Variants in PAPPA2 observed in about 807,000 individuals in gnomAD.
PAPPA2 encodes the protein pappalysin-2.
In PAPPA2, 86 loss-of-function variants were observed where a neutral mutation model predicts 176.4. That is an observed-to-expected ratio of 0.49 (90% CI 0.41 to 0.58). The LOEUF (loss-of-function observed/expected upper bound fraction) is 0.58, where lower values mean the gene tolerates loss of function less well. PAPPA2 is among the 20% of genes least tolerant of loss of function. The probability of loss-of-function intolerance (pLI) is 0.00; values close to 1 mark genes in which losing one functional copy is unlikely to be tolerated. For synonymous variants in PAPPA2, 809 were observed against 852.2 expected (o/e 0.95, Z 0.88); for missense variants, 2,073 against 2,256.9 (o/e 0.92, Z 1.65).
chr1:176,582,576 T>G (rs1312219702), intron 2 of PAPPA2, among the ~76,000 whole-genome samples: 1 of 152,178 alleles, frequency 6.6e-6, no homozygotes, highest in Non-Finnish European at 1.5e-5. Flanking sequence ...AATAAATAAT[T>G]TTTGCACCAT....
At chr1:176,695,960 ATG>A in intron 7 of PAPPA2, 101 bp downstream of exon 7, 1 of 1,184,736 alleles carries the variant, frequency 8.4e-7, no homozygotes, top group Non-Finnish European at 1.2e-6. Context: ...AAGGCAATGT[ATG>A]TGTATGTGTG....
At chr1:176,730,237 C>G (rs1662072448) in intron 12 of PAPPA2, among the ~76,000 whole-genome samples, 3 of 151,826 alleles carry the variant, frequency 2.0e-5, no homozygotes, top group Admixed American at 2.0e-4. Flanking sequence ...ACCTGTAAAA[C>G]CAACTGGTAT....
intron 3 of PAPPA2, among the ~76,000 whole-genome samples, chr1:176,656,092 TTCTC>T (rs1261715446): frequency 1.3e-5 from 2 of 151,910 alleles, no homozygotes; most frequent in African/African-American, 2.4e-5. Context: ...ATATTGAACT[TTCTC>T]TCTCTTTGCT....
chr1:176,728,772 TATAA>T (rs1055860223), intron 12 of PAPPA2, among the ~76,000 whole-genome samples: 1 of 151,960 alleles, frequency 6.6e-6, no homozygotes, highest in African/African-American at 2.4e-5. Context: ...AGGTGCTATA[TATAA>T]ATAAACAGAT....
intron 1 of PAPPA2, among the ~76,000 whole-genome samples, chr1:176,524,839 C>T (rs879650434): frequency 9.9e-5 from 15 of 152,004 alleles, no homozygotes; most frequent in Admixed American, 2.0e-4. Flanking sequence ...CTGGCTAACA[C>T]GATGAAACCC....
At chr1:176,739,575 T>C in intron 12 of PAPPA2, 51 bp from the exon 13 acceptor site, 1 of 1,566,606 alleles carries the variant, frequency 6.4e-7, no homozygotes, top group Non-Finnish European at 8.7e-7. Context: ...AGCACATGTC[T>C]TGATAGCTCA....
At chr1:176,766,582 A>G (rs538636940) in intron 15 of PAPPA2, among the ~76,000 whole-genome samples, 44 of 152,352 alleles carry the variant, frequency 2.9e-4, no homozygotes, top group African/African-American at 1.0e-3. Context: ...AGTTATTATG[A>G]TGGCTGGAAA....
chr1:176,584,794 G>A (rs1653208008), intron 2 of PAPPA2, among the ~76,000 whole-genome samples: 1 of 152,020 alleles, frequency 6.6e-6, no homozygotes, highest in South Asian at 2.1e-4. Context: ...GAATGCAGGG[G>A]TGCCATCTCG....
At chr1:176,520,496 A>T (rs1273668311) in intron 1 of PAPPA2, among the ~76,000 whole-genome samples, 1 of 152,204 alleles carries the variant, frequency 6.6e-6, no homozygotes, top group Non-Finnish European at 1.5e-5. Context: ...TATCACCAAC[A>T]TTGAAGATCC....
chr1:176,824,663 AAATAGTT>A (rs1489826785), intron 21 of PAPPA2, among the ~76,000 whole-genome samples: 1 of 152,138 alleles, frequency 6.6e-6, no homozygotes, highest in Non-Finnish European at 1.5e-5. Flanking sequence ...TGGAAGTTTA[AAATAGTT>A]AAGTTTAATT....
chr1:176,608,643 T>G (rs1165608272), intron 3 of PAPPA2, among the ~76,000 whole-genome samples: 1 of 152,156 alleles, frequency 6.6e-6, no homozygotes, highest in Admixed American at 6.5e-5. Flanking sequence ...CCGTGGGAAT[T>G]CTGGCTTTAT....
At chr1:176,672,406 A>C (rs1659059326) in intron 4 of PAPPA2, among the ~76,000 whole-genome samples, 1 of 152,178 alleles carries the variant, frequency 6.6e-6, no homozygotes, top group Non-Finnish European at 1.5e-5. Flanking sequence ...AGCAGAGAGG[A>C]ATAAATTAAA....
chr1:176,604,426 TA>T (rs955214355), intron 3 of PAPPA2, among the ~76,000 whole-genome samples: 13 of 152,184 alleles, frequency 8.5e-5, no homozygotes, highest in Non-Finnish European at 1.3e-4. Flanking sequence ...AAATAATTGT[TA>T]AAAAAAGGAA....
chr1:176,568,275 A>G (rs1190430170), intron 2 of PAPPA2, among the ~76,000 whole-genome samples: 1 of 152,240 alleles, frequency 6.6e-6, no homozygotes, highest in Non-Finnish European at 1.5e-5. Context: ...TGCACGCTCA[A>G]TCACTCTAAA....
At chr1:176,665,912 G>A (rs1371442032) in intron 3 of PAPPA2, among the ~76,000 whole-genome samples, 2 of 152,164 alleles carry the variant, frequency 1.3e-5, no homozygotes, top group Non-Finnish European at 2.9e-5. Context: ...GCACAAACCA[G>A]GTAGAAATAT....
rs774965954 is a variant in PAPPA2 at position 176,789,804 on chromosome 1, A to G, written c.4716-5A>G. 5.6e-6 allele frequency: 9 copies of G among 1,611,356 alleles called. No individual in the cohort carries two copies. The highest frequency in any genetic ancestry group is 1.3e-5 in the African/African-American group (1 of 74,766). On this transcript the variant is annotated splice_polypyrimidine_tract_variant and splice_region_variant and intron_variant, in intron 17 of 22. Coordinates refer to ENST00000367662, the MANE Select transcript of PAPPA2 (RefSeq NM_020318.3). ...ATGAGCTATTTTTGTTTTATGTTTT[A>G]TCAGCAAGCTCCTGAAGATACAATG...
intron 2 of PAPPA2, among the ~76,000 whole-genome samples, chr1:176,558,971 C>T (rs1651498190): frequency 6.6e-6 from 1 of 152,190 alleles, no homozygotes; most frequent in Non-Finnish European, 1.5e-5. Flanking sequence ...AACTTGACCC[C>T]TGTCCTGTCC....
At chr1:176,465,764 A>G (rs1572936036) in intron 1 of PAPPA2, among the ~76,000 whole-genome samples, 1 of 151,016 alleles carries the variant, frequency 6.6e-6, no homozygotes, top group Non-Finnish European at 1.5e-5. Flanking sequence ...CCTAGTACCC[A>G]TTAGTTATTT....
At chr1:176,691,928 G>GGTCT (rs373713436) in intron 5 of PAPPA2, among the ~76,000 whole-genome samples, 198 bp from the exon 6 acceptor site, 1 of 152,142 alleles carries the variant, frequency 6.6e-6, no homozygotes, top group African/African-American at 2.4e-5. Flanking sequence ...CTGCATCTCT[G>GGTCT]GTCTCTGTCT....
Sources: allele counts gnomAD v4.1 joint callset (sites outside exome capture counted in the v4.1 genomes callset), GRCh38; gene constraint gnomAD v4.1.1; transcripts MANE v1.5; gene names NCBI Gene and HGNC (gene_info 2026-07-23, HGNC 2026-07-21).